Variants in GUCY1A2 observed in about 807,000 individuals in gnomAD.
GUCY1A2 encodes guanylate cyclase soluble subunit alpha-2.
Under a neutral mutation model 63.5 loss-of-function variants are expected in GUCY1A2, and 27 were observed. That is an observed-to-expected ratio of 0.43 (90% CI 0.31 to 0.59). The LOEUF is 0.59. GUCY1A2 is among the 20% of genes least tolerant of loss of function. The pLI is 0.11. For missense variants in GUCY1A2, 768 were observed against 913.3 expected (o/e 0.84, Z 2.05); for synonymous variants, 364 against 343.5 (o/e 1.06, Z -0.66).
intron 5 of GUCY1A2, among the ~76,000 whole-genome samples, chr11:106,795,787 A>T (rs1369330671): frequency 1.3e-5 from 2 of 152,164 alleles, no homozygotes; most frequent in Admixed American, 1.3e-4. Flanking sequence ...AAAACTTATT[A>T]ATAGGGAGGC....
chr11:106,706,070 T>A (rs187633401), intron 7 of GUCY1A2, among the ~76,000 whole-genome samples: 147 of 152,330 alleles, frequency 9.7e-4, no homozygotes, highest in African/African-American at 3.3e-3. Context: ...AAAATATTTT[T>A]AAAATTCAAT....
intron 4 of GUCY1A2, among the ~76,000 whole-genome samples, chr11:106,873,276 T>C (rs150010636): frequency 0.025 from 3,762 of 152,266 alleles, 142 homozygotes; most frequent in African/African-American, 0.084. Flanking sequence ...TTCCTTTGGG[T>C]ATATACCCAG....
At chr11:106,789,754 C>T (rs76982218) in intron 5 of GUCY1A2, among the ~76,000 whole-genome samples, 7,482 of 152,206 alleles carry the variant, frequency 0.049, 177 homozygotes, top group East Asian at 0.092. Flanking sequence ...TTTTACACAC[C>T]CATAGAGGTA....
At chr11:106,770,092 A>ATGATATAGTATTACAATGATTT (rs1186431489) in intron 6 of GUCY1A2, among the ~76,000 whole-genome samples, 1 of 152,102 alleles carries the variant, frequency 6.6e-6, no homozygotes, top group African/African-American at 2.4e-5. Context: ...TACAAACAAA[A>ATGATATAGTATTACAATGATTT]TGATATAGTA....
intron 4 of GUCY1A2, among the ~76,000 whole-genome samples, chr11:106,815,150 A>T (rs1038783980): frequency 6.6e-6 from 1 of 152,078 alleles, no homozygotes; most frequent in African/African-American, 2.4e-5. Flanking sequence ...AAAATAGAAA[A>T]CATGCTGGGT....
chr11:106,906,107 C>T (rs1440969383), intron 4 of GUCY1A2, among the ~76,000 whole-genome samples: 1 of 152,060 alleles, frequency 6.6e-6, no homozygotes, highest in African/African-American at 2.4e-5. Flanking sequence ...TCTAATTAAA[C>T]TAAAGAGATT....
chr11:106,937,445 G>A lies in GUCY1A2; in HGVS notation c.1206+2015C>T, dbSNP rs575108990. 5.3e-5 allele frequency among the ~76,000 whole-genome samples: 8 copies of A among 152,098 alleles called. No individual in the cohort carries two copies. The East Asian group carries it at 5.8e-4, about 11-fold the overall frequency. ...AAAATGAATTAATTTTTCCCAAATC[G>A]ATAAAATATATAAAGCAACAACATT... On this transcript the variant is annotated intron_variant, in intron 4 of 7. Coordinates refer to ENST00000526355, the MANE Select transcript of GUCY1A2 (RefSeq NM_000855.3).
intron 1 of GUCY1A2, among the ~76,000 whole-genome samples, chr11:107,008,278 CAAAAAA>C (rs60060457): frequency 1.0e-5 from 1 of 95,464 alleles, no homozygotes; most frequent in Non-Finnish European, 2.0e-5. Context: ...GACTCCATCT[CAAAAAA>C]AAAAAAAAAA....
At chr11:106,955,771 G>C (rs1472695840) in intron 3 of GUCY1A2, among the ~76,000 whole-genome samples, 1 of 152,020 alleles carries the variant, frequency 6.6e-6, no homozygotes, top group Non-Finnish European at 1.5e-5. Context: ...ATAATTATGT[G>C]TCTTGGGGTT....
At chr11:106,754,322 C>G (rs553350685) in intron 6 of GUCY1A2, among the ~76,000 whole-genome samples, 44 of 152,298 alleles carry the variant, frequency 2.9e-4, no homozygotes, top group African/African-American at 8.4e-4. Flanking sequence ...TTGACTTCCT[C>G]TCTTCCTAAC....
intron 3 of GUCY1A2, among the ~76,000 whole-genome samples, chr11:106,978,146 G>A (rs1036821805): frequency 1.3e-5 from 2 of 152,074 alleles, no homozygotes; most frequent in Non-Finnish European, 2.9e-5. Flanking sequence ...CCCAAGTAGG[G>A]CACAGACACC....
intron 1 of GUCY1A2, among the ~76,000 whole-genome samples, chr11:107,004,977 C>A (rs1252597917): frequency 6.6e-6 from 1 of 152,090 alleles, no homozygotes; most frequent in Admixed American, 6.6e-5. Flanking sequence ...CTGTTAAAGT[C>A]CTATGACCAT....
chr11:106,831,081 A>G (rs2135436969), intron 4 of GUCY1A2, among the ~76,000 whole-genome samples: 1 of 152,326 alleles, frequency 6.6e-6, no homozygotes, highest in East Asian at 1.9e-4. Flanking sequence ...GATTAAAAAT[A>G]CACCCTTATT....
chr11:106,705,688 G>A (rs1376322978), intron 7 of GUCY1A2, among the ~76,000 whole-genome samples: 2 of 151,988 alleles, frequency 1.3e-5, no homozygotes, highest in East Asian at 1.9e-4. Context: ...ATGAAACCCC[G>A]TCTCTACTAA....
intron 4 of GUCY1A2, among the ~76,000 whole-genome samples, chr11:106,873,094 T>C (rs530031659): frequency 9.2e-5 from 14 of 152,344 alleles, no homozygotes; most frequent in African/African-American, 3.4e-4. Context: ...GCAAAGGACA[T>C]GATCTCATTC....
At position 106,900,254 on chromosome 11, in the gene GUCY1A2, G is replaced by T. The variant is rs142566372; in HGVS notation, c.1206+39206C>A. On this transcript the variant is annotated intron_variant, in intron 4 of 7. Coordinates refer to ENST00000526355, the MANE Select transcript of GUCY1A2 (RefSeq NM_000855.3). ...GCTGGAGTACAGCGGCACTATATCT[G>T]CTCCCCGCAACCTCCACCTCCTGGG... Among the ~76,000 whole-genome samples, 598 of 152,080 alleles carry T rather than the reference G, an allele frequency of 3.9e-3. 7 individuals are homozygous for T. Among genetic ancestry groups the T allele is most frequent in the African/African-American group, 0.014 (582 of 41,398 alleles).
chr11:106,722,341 T>C (rs1863330836), intron 6 of GUCY1A2, among the ~76,000 whole-genome samples: 1 of 151,870 alleles, frequency 6.6e-6, no homozygotes, highest in South Asian at 2.1e-4. Flanking sequence ...CTTTCTAAAA[T>C]TGTATGTTGA....
intron 6 of GUCY1A2, among the ~76,000 whole-genome samples, chr11:106,716,768 C>CA (rs56999589): frequency 0.015 from 819 of 55,254 alleles, 51 homozygotes; most frequent in Middle Eastern, 0.04. Context: ...GACTCCGTCT[C>CA]AAAAAAAAAA....
chr11:106,944,236 A>AAAAAAAAAAAAAAC (rs1860794015), intron 3 of GUCY1A2, among the ~76,000 whole-genome samples: 1 of 142,838 alleles, frequency 7.0e-6, no homozygotes, highest in Non-Finnish European at 1.5e-5. Context: ...AAAAAAAAAA[A>AAAAAAAAAAAAAAC]GCAGGTGGTC....
Sources: gnomAD v4.1 joint callset for allele counts (sites outside exome capture counted in the v4.1 genomes callset) on GRCh38, gnomAD v4.1.1 for gene constraint, MANE v1.5 for transcripts, NCBI Gene and HGNC (gene_info 2026-07-23, HGNC 2026-07-21) for gene names.